USP34: variants seen among roughly 807,000 people sequenced by gnomAD.
USP34 encodes the protein ubiquitin specific peptidase 34, also known as ubiquitin carboxyl-terminal hydrolase 34.
A neutral mutation model predicts 460.3 loss-of-function variants in USP34; 70 were observed. The ratio of observed to expected loss-of-function variants is 0.15; its 90% confidence interval spans 0.13 to 0.19. The LOEUF (loss-of-function observed/expected upper bound fraction) is 0.19, where lower values mean the gene tolerates loss of function less well. Ranked by LOEUF, USP34 falls within the 10% of genes least tolerant of loss-of-function variation. The probability of loss-of-function intolerance (pLI) is 1.00; values close to 1 mark genes in which losing one functional copy is unlikely to be tolerated. For synonymous variants in USP34, 1,647 were observed against 1,405.3 expected, an observed-to-expected ratio of 1.17 and a Z score of -3.85; for missense variants, 3,985 against 4,236.2, an observed-to-expected ratio of 0.94 and a Z score of 1.65.
chr2:61,425,034 G>A (rs1694470506), intron 1 of USP34, among the ~76,000 whole-genome samples: 1 of 152,078 alleles, frequency 6.6e-6, no homozygotes, highest in African/African-American at 2.4e-5. Flanking sequence ...TGGCCAGGCT[G>A]GTCTCAAACT....
At chr2:61,354,746 G>C (rs1163660517) in intron 10 of USP34, among the ~76,000 whole-genome samples, 1 of 152,226 alleles carries the variant, frequency 6.6e-6, no homozygotes, top group Non-Finnish European at 1.5e-5. Flanking sequence ...TGGGCAACAT[G>C]TGGAGGAACT....
At chr2:61,347,776 A>G in intron 15 of USP34, 94 bp downstream of exon 15, 1 of 1,519,186 alleles carries the variant, frequency 6.6e-7, no homozygotes, top group Non-Finnish European at 8.8e-7. Context: ...ACTAATGAAT[A>G]GCACTAATAC....
intron 3 of USP34, 68 bp downstream of exon 3, chr2:61,405,640 C>G: frequency 7.6e-7 from 1 of 1,323,338 alleles, no homozygotes; most frequent in Non-Finnish European, 1.0e-6. Flanking sequence ...TCATATTTAT[C>G]AGTAAGAAAC....
At chr2:61,294,260 C>A (rs945085530) in intron 32 of USP34, among the ~76,000 whole-genome samples, 4 of 151,584 alleles carry the variant, frequency 2.6e-5, no homozygotes, top group Admixed American at 1.3e-4. Context: ...GCAGGAGAAT[C>A]GCGTGAACCT....
chr2:61,187,821 G>A lies in USP34; in HGVS notation c.*281C>T, dbSNP rs1374010086. The stretch of plus-strand genomic sequence containing the variant: ...ACATTGTACAGGGCTAGGCAACCCT[G>A]TTCTTCCCAGACAGCCATATTAAAT... On this transcript the variant is annotated 3_prime_UTR_variant, in exon 80 of 80. Transcript: ENST00000398571. 3.6e-6 allele frequency: 4 copies of A among 1,097,282 alleles called. No individual in the cohort carries two copies. The highest frequency in any genetic ancestry group is 4.3e-5 in the East Asian group (1 of 23,196). The allele number at this position is 1,097,282 out of a possible 1,614,324, so 68.0% of individuals were successfully genotyped here.
chr2:61,276,578 ACTAT>A (rs1301388264), intron 41 of USP34, among the ~76,000 whole-genome samples: 8 of 152,282 alleles, frequency 5.3e-5, no homozygotes, highest in East Asian at 3.9e-4. Flanking sequence ...CTTTTTTTGT[ACTAT>A]CTAAAATTAT....
intron 58 of USP34, among the ~76,000 whole-genome samples, chr2:61,231,755 C>T (rs1001626464): frequency 2.0e-5 from 3 of 151,676 alleles, no homozygotes; most frequent in African/African-American, 7.3e-5. Context: ...GTGGTGTGTG[C>T]GTGTAGTCCT....
intron 62 of USP34, among the ~76,000 whole-genome samples, chr2:61,226,225 G>A (rs1049926504): frequency 5.9e-5 from 9 of 152,146 alleles, no homozygotes; most frequent in African/African-American, 2.2e-4. Flanking sequence ...TTACAATATG[G>A]AAACTGAAAC....
At chr2:61,197,013 G>A (rs1686829738) in intron 75 of USP34, among the ~76,000 whole-genome samples, 1 of 152,172 alleles carries the variant, frequency 6.6e-6, no homozygotes, top group African/African-American at 2.4e-5. Flanking sequence ...GGTGGCTCAC[G>A]CCTATAATCC....
At chr2:61,349,046 A>T (rs534421933) in intron 13 of USP34, among the ~76,000 whole-genome samples, 160 bp from the exon 14 acceptor site, 1 of 152,256 alleles carries the variant, frequency 6.6e-6, no homozygotes, top group African/African-American at 2.4e-5. Flanking sequence ...CATGATTTCT[A>T]AAGAAGATGT....
At chr2:61,470,450 G>A (rs1204846423) in intron 1 of USP34, among the ~76,000 whole-genome samples, 200 bp downstream of exon 1, 1 of 149,920 alleles carries the variant, frequency 6.7e-6, no homozygotes, top group Non-Finnish European at 1.5e-5. Flanking sequence ...GCCGCCTCTC[G>A]GGCGCCCAGG....
At chr2:61,411,228 CAA>C (rs1694026425) in intron 2 of USP34, among the ~76,000 whole-genome samples, 1 of 151,276 alleles carries the variant, frequency 6.6e-6, no homozygotes, top group South Asian at 2.1e-4. Context: ...CAAAAAAAAA[CAA>C]AGTTAGGCAG....
chr2:61,339,699 A>C lies in USP34; in HGVS notation c.2501-18T>G. ...TACAGGTCCTGAAGAGAAAAAAAAA[A>C]AAAAGACACACTATAGAGAAATGCA... On this transcript the variant is annotated intron_variant, in intron 16 of 79. Coordinates refer to ENST00000398571, the MANE Select transcript of USP34 (RefSeq NM_014709.4). 1 of 1,378,576 alleles carries C rather than the reference A, an allele frequency of 7.3e-7. No homozygotes were observed. Among genetic ancestry groups the C allele is most frequent in the African/African-American group, 1.5e-5 (1 of 67,298 alleles). The allele number at this position is 1,378,576 out of a possible 1,614,324, so 85.4% of individuals were successfully genotyped here. A position where few individuals can be genotyped will look rare whatever the true frequency, so the allele number is the denominator to read the frequency against.
intron 20 of USP34, among the ~76,000 whole-genome samples, chr2:61,327,443 A>T (rs1165181598): frequency 6.6e-6 from 1 of 152,180 alleles, no homozygotes; most frequent in Non-Finnish European, 1.5e-5. Flanking sequence ...TTTTAAGTTA[A>T]ACAACAAGGG....
At chr2:61,265,919 T>C in intron 42 of USP34, 65 bp downstream of exon 42, 1 of 1,401,022 alleles carries the variant, frequency 7.1e-7, no homozygotes, top group African/African-American at 1.4e-5. Flanking sequence ...TGTTAAACAG[T>C]GCCCTCAAAA....
chr2:61,254,969 C>T (rs1184387405), intron 48 of USP34, among the ~76,000 whole-genome samples: 1 of 152,084 alleles, frequency 6.6e-6, no homozygotes, highest in African/African-American at 2.4e-5. Context: ...ATTCAGCCTC[C>T]CGAACAGCTG....
intron 10 of USP34, among the ~76,000 whole-genome samples, chr2:61,361,587 A>C (rs912041632): frequency 2.0e-5 from 3 of 151,758 alleles, no homozygotes; most frequent in African/African-American, 7.3e-5. Context: ...ACAAAAGGTG[A>C]TGGGAAAACC....
In USP34 at chr2:61,405,755, A is replaced by T; in HGVS notation, c.505T>A (p.Phe169Ile). The T allele has an allele frequency of 1.3e-6, 2 of 1,598,436 alleles. No homozygotes were observed. The highest frequency in any genetic ancestry group is 1.7e-6 in the Non-Finnish European group (2 of 1,174,774). ...TGCTTGTAAGCAGTATATAAGGGAA[A>T]CTGAATTTGAAAAATTTTTGCCACA... ...LCVAKIFQIQ[F>I]PLYTAYKHNT... Residue 169 changes from phenylalanine to isoleucine, a missense_variant, in exon 3 of 80, where the codon TTT becomes ATT. Phe to Ile is a conservative substitution (Grantham distance 21, BLOSUM62 0). Coordinates refer to ENST00000398571, the MANE Select transcript of USP34 (RefSeq NM_014709.4).
chr2:61,454,214 T>C (rs2104076060), intron 1 of USP34, among the ~76,000 whole-genome samples: 1 of 152,224 alleles, frequency 6.6e-6, no homozygotes, highest in Non-Finnish European at 1.5e-5. Context: ...AACCTCCACC[T>C]CCCAGGTTCA....
Sources: allele counts gnomAD v4.1 joint callset (sites outside exome capture counted in the v4.1 genomes callset), GRCh38; gene constraint gnomAD v4.1.1; transcripts MANE v1.5; gene names NCBI Gene and HGNC (gene_info 2026-07-23, HGNC 2026-07-21).